The following MTAP variants were observed in gnomAD, a reference collection of about 807,000 sequenced individuals.
MTAP encodes the protein methylthioadenosine phosphorylase.
A neutral mutation model predicts 33.6 loss-of-function variants in MTAP; 33 were observed. The ratio of observed to expected loss-of-function variants is 0.98; its 90% confidence interval spans 0.74 to 1.31. MTAP has a LOEUF of 1.31. Among genes scored for constraint, MTAP ranks in the 40% most tolerant of loss-of-function variants. MTAP has a pLI of 0.00. For synonymous variants in MTAP, 148 were observed against 125.7 expected, an observed-to-expected ratio of 1.18 and a Z score of -1.19; for missense variants, 367 against 360.0, an observed-to-expected ratio of 1.02 and a Z score of -0.16.
rs1825767773 is a variant in MTAP at position 21,862,159 on chromosome 9, A to G, written c.*145A>G. 6.7e-7 allele frequency: 1 copy of G among 1,498,664 alleles called. No homozygotes were observed. The highest frequency in any genetic ancestry group is 8.9e-7 in the Non-Finnish European group (1 of 1,127,572). 92.8% of individuals were successfully genotyped at this position (1,498,664 alleles called of 1,614,324 possible). A position where few individuals can be genotyped will look rare whatever the true frequency, so the allele number is the denominator to read the frequency against. On this transcript the variant is annotated 3_prime_UTR_variant, in exon 8 of 8. Transcript: ENST00000644715. ...GAGTATGTTGTAAGAAAGACAAGACATTGTGTGTATTAGAGACTCCTGAAT... is the reference window on the plus strand; with the variant it reads ...GAGTATGTTGTAAGAAAGACAAGACGTTGTGTGTATTAGAGACTCCTGAAT...
At chr9:21,929,762 A>G in intron 1 of MTAP, 1 of 217,830 alleles carries the variant, frequency 4.6e-6, no homozygotes, top group Non-Finnish European at 9.5e-6. Context: ...TTTACTTGAC[A>G]TCCACAAGGC....
At chr9:21,831,268 C>A (rs957900546) in intron 4 of MTAP, among the ~76,000 whole-genome samples, 1 of 152,114 alleles carries the variant, frequency 6.6e-6, no homozygotes. Flanking sequence ...ATCAGTACAC[C>A]ATATTTATTA....
At position 21,863,719 on chromosome 9, in the gene MTAP, T is replaced by G. The variant is rs1825800822; in HGVS notation, c.*1705T>G. 1.1e-5 allele frequency: 11 copies of G among 985,780 alleles called. No homozygotes were observed. The South Asian group carries it at 4.7e-4, about 42-fold the overall frequency. 61.1% of individuals were successfully genotyped at this position (985,780 alleles called of 1,614,324 possible). A position where few individuals can be genotyped will look rare whatever the true frequency, so the allele number is the denominator to read the frequency against. On this transcript the variant is annotated 3_prime_UTR_variant, in exon 8 of 8. Coordinates refer to ENST00000644715, the MANE Select transcript of MTAP (RefSeq NM_002451.4). ...GAATTGTTTTCTTTTCACTGTAGGCTATTACAGGATACTTCAGGATCAAGA... is the reference window on the plus strand; with the variant it reads ...GAATTGTTTTCTTTTCACTGTAGGCGATTACAGGATACTTCAGGATCAAGA...
intron 5 of MTAP, among the ~76,000 whole-genome samples, chr9:21,840,748 C>G (rs1436091284): frequency 6.6e-6 from 1 of 152,182 alleles, no homozygotes; most frequent in Non-Finnish European, 1.5e-5. Flanking sequence ...CAAATTTTCT[C>G]AGGCAGAGTC....
intron 5 of MTAP, among the ~76,000 whole-genome samples, chr9:21,851,845 G>A (rs912464127): frequency 6.6e-6 from 1 of 152,146 alleles, no homozygotes; most frequent in Non-Finnish European, 1.5e-5. Flanking sequence ...TAGTCCCCCA[G>A]TCTACATCTT....
chr9:21,865,732 A>G lies in MTAP; in HGVS notation c.*3718A>G. 9.6e-7 allele frequency: 1 copy of G among 1,039,924 alleles called. No homozygotes were observed. Among genetic ancestry groups the G allele is most frequent in the Non-Finnish European group, 1.2e-6 (1 of 857,994 alleles). 64.4% of individuals were successfully genotyped at this position (1,039,924 alleles called of 1,614,324 possible). On this transcript the variant is annotated 3_prime_UTR_variant, in exon 8 of 8. Coordinates refer to ENST00000644715, the MANE Select transcript of MTAP (RefSeq NM_002451.4). The stretch of plus-strand genomic sequence containing the variant: ...CCTGTTGCCAGCTATGCCTTTGAGA[A>G]CCTCGGGATCCCAAAGAATGAGGGG...
intron 7 of MTAP, 74 bp downstream of exon 7, chr9:21,859,499 C>G (rs981138517): frequency 2.1e-5 from 31 of 1,489,106 alleles, no homozygotes; most frequent in Middle Eastern, 4.1e-4. Flanking sequence ...TGCATTTCAC[C>G]TTTGGTCCTC....
intron 1 of MTAP, among the ~76,000 whole-genome samples, chr9:21,807,703 C>T (rs1824243868): frequency 6.6e-6 from 1 of 152,102 alleles, no homozygotes; most frequent in South Asian, 2.1e-4. Flanking sequence ...TAGGAGCAGC[C>T]AGGTTTTGTA....
rs996524450 is a variant in MTAP at position 21,847,108 on chromosome 9, C to T, written c.451-7523C>T. On this transcript the variant is annotated intron_variant, in intron 5 of 7. Transcript: ENST00000644715. The stretch of plus-strand genomic sequence containing the variant: ...ATGTGAAAAGAGAGACTGGCCTAGC[C>T]TCCCAGCGTACATCTTTCTCCCGTG... Among the ~76,000 whole-genome samples, 11 of 152,170 alleles carry T rather than the reference C, an allele frequency of 7.2e-5. 1 individual carries two copies. Among genetic ancestry groups the T allele is most frequent in the African/African-American group, 2.2e-4 (9 of 41,456 alleles).
intron 1 of MTAP, among the ~76,000 whole-genome samples, chr9:21,920,669 A>G (rs1484953571): frequency 1.3e-5 from 2 of 152,226 alleles, no homozygotes; most frequent in African/African-American, 2.4e-5. Context: ...AGCAAACAAT[A>G]TGGTCAAACT....
At chr9:21,902,802 A>G (rs547473295) in intron 1 of MTAP, among the ~76,000 whole-genome samples, 13 of 152,338 alleles carry the variant, frequency 8.5e-5, no homozygotes, top group Admixed American at 3.9e-4. Flanking sequence ...TAGAATAGAA[A>G]ATCTCTTTTA....
chr9:21,868,273 G>C (rs1458894568), downstream of MTAP, among the ~76,000 whole-genome samples: 1 of 152,128 alleles, frequency 6.6e-6, no homozygotes, highest in Non-Finnish European at 1.5e-5. Context: ...ATGATTCTTG[G>C]CATTAACTTC....
chr9:21,895,293 G>T (rs117074669), intron 1 of MTAP, among the ~76,000 whole-genome samples: 1 of 152,210 alleles, frequency 6.6e-6, no homozygotes, highest in African/African-American at 2.4e-5. Flanking sequence ...CAAGGCAACA[G>T]TAACCAAAAT....
At chr9:21,897,427 GA>G in intron 1 of MTAP, among the ~76,000 whole-genome samples, 1 of 152,326 alleles carries the variant, frequency 6.6e-6, no homozygotes, top group East Asian at 1.9e-4. Flanking sequence ...ATGAGGAAAA[GA>G]GGAAGTCAAA....
At position 21,818,093 on chromosome 9, in the gene MTAP, G is replaced by T. The variant is rs1587205186; in HGVS notation, c.238G>T (p.Ala80Ser). The T allele has an allele frequency of 6.2e-7, 1 of 1,613,788 alleles. No homozygotes were observed. Among genetic ancestry groups the T allele is most frequent in the Non-Finnish European group, 8.5e-7 (1 of 1,179,924 alleles). Reference protein sequence around the residue: ...SKVNYQANIWALKEEGCTHVI... With the variant: ...SKVNYQANIWSLKEEGCTHVI... ...GGTCAACTACCAGGCGAACATCTGGGCTTTGAAGGAAGAGGGCTGTACACA... is the reference window on the plus strand; with the variant it reads ...GGTCAACTACCAGGCGAACATCTGGTCTTTGAAGGAAGAGGGCTGTACACA... Residue 80 changes from alanine (A) to serine (S), a missense_variant, in exon 4 of 8, where the codon GCT becomes TCT. Transcript: ENST00000644715.
intron 1 of MTAP, among the ~76,000 whole-genome samples, chr9:21,894,211 TAAAA>T (rs60193324): frequency 0.027 from 3,443 of 129,734 alleles, 52 homozygotes; most frequent in Non-Finnish European, 0.038. Context: ...CCTTTCATGT[TAAAA>T]AAAAAAAAAA....
intron 1 of MTAP, among the ~76,000 whole-genome samples, chr9:21,803,790 A>G (rs1469569907): frequency 1.3e-5 from 2 of 152,082 alleles, no homozygotes; most frequent in Non-Finnish European, 2.9e-5. Flanking sequence ...ATCTTCTCCA[A>G]AGCATCTCGA....
At chr9:21,910,883 C>A (rs550623886) in intron 1 of MTAP, among the ~76,000 whole-genome samples, 50 of 152,216 alleles carry the variant, frequency 3.3e-4, no homozygotes, top group African/African-American at 1.1e-3. Context: ...GATTTCCTCA[C>A]CGCCTCTAAG....
chr9:21,865,558 C>G lies in MTAP; in HGVS notation c.*3544C>G, dbSNP rs1825840233. ...GAACTGAAGTTCCAGGATGGAAGAA[C>G]CTGTGTTCTCCTCATAATAGTATAG... On this transcript the variant is annotated 3_prime_UTR_variant, in exon 8 of 8. Coordinates refer to ENST00000644715, the MANE Select transcript of MTAP (RefSeq NM_002451.4). The G allele has an allele frequency of 1.0e-6, 1 of 985,660 alleles. No individual in the cohort carries two copies. The highest frequency in any genetic ancestry group is 1.2e-6 in the Non-Finnish European group (1 of 829,950). The allele number at this position is 985,660 out of a possible 1,614,324, so 61.1% of individuals were successfully genotyped here. A position where few individuals can be genotyped will look rare whatever the true frequency, so the allele number is the denominator to read the frequency against.
Sources: allele counts gnomAD v4.1 joint callset (sites outside exome capture counted in the v4.1 genomes callset), GRCh38; gene constraint gnomAD v4.1.1; transcripts MANE v1.5; gene names NCBI Gene and HGNC (gene_info 2026-07-23, HGNC 2026-07-21).